The following RAPGEF5 variants were observed in gnomAD, a reference collection of about 807,000 sequenced individuals.
The protein encoded by RAPGEF5 is Rap guanine nucleotide exchange factor 5.
A neutral mutation model predicts 125.2 loss-of-function variants in RAPGEF5; 65 were observed. The observed-to-expected ratio is 0.52, with a 90% CI of 0.43 to 0.64. RAPGEF5 has a LOEUF of 0.64. Ranked by LOEUF, RAPGEF5 falls within the 30% of genes least tolerant of loss-of-function variation. The probability of loss-of-function intolerance (pLI) is 0.00; values close to 1 mark genes in which losing one functional copy is unlikely to be tolerated. For missense variants in RAPGEF5, 958 were observed against 1,048.1 expected, an observed-to-expected ratio of 0.91 and a Z score of 1.19; for synonymous variants, 391 against 385.9, an observed-to-expected ratio of 1.01 and a Z score of -0.16.
intron 8 of RAPGEF5, among the ~76,000 whole-genome samples, chr7:22,223,279 A>AAC (rs1583494604): frequency 1.3e-5 from 2 of 152,262 alleles, no homozygotes; most frequent in Non-Finnish European, 1.5e-5. Flanking sequence ...AGAAGTGAAA[A>AAC]ACTCTATCGA....
intron 11 of RAPGEF5, among the ~76,000 whole-genome samples, chr7:22,183,268 C>CAAAAAAA (rs757079018): frequency 2.6e-4 from 8 of 30,976 alleles, no homozygotes; most frequent in Admixed American, 4.7e-4. Context: ...GACTCCATCA[C>CAAAAAAA]AAAAAAAAAA....
intron 23 of RAPGEF5, among the ~76,000 whole-genome samples, chr7:22,135,110 G>A (rs890830948): frequency 1.3e-5 from 2 of 152,176 alleles, no homozygotes; most frequent in Non-Finnish European, 2.9e-5. Context: ...GCAATGGGAG[G>A]AAGTGGGGAA....
intron 5 of RAPGEF5, among the ~76,000 whole-genome samples, chr7:22,295,828 A>G (rs544383124): frequency 6.6e-6 from 1 of 152,248 alleles, no homozygotes; most frequent in East Asian, 1.9e-4. Context: ...ATGAGGATCT[A>G]ATTAGGAAAA....
chr7:22,300,709 G>T (rs1783176804), intron 5 of RAPGEF5, among the ~76,000 whole-genome samples: 1 of 152,108 alleles, frequency 6.6e-6, no homozygotes, highest in South Asian at 2.1e-4. Context: ...TACACTCTCA[G>T]ACTAGCTGGG....
intron 2 of RAPGEF5, among the ~76,000 whole-genome samples, chr7:22,317,019 A>T (rs1202745795): frequency 6.6e-6 from 1 of 151,876 alleles, no homozygotes; most frequent in African/African-American, 2.4e-5. Context: ...CAGATGACAG[A>T]AAGTATTACC....
chr7:22,282,059 T>G (rs1018347171), intron 6 of RAPGEF5, among the ~76,000 whole-genome samples: 2 of 152,234 alleles, frequency 1.3e-5, no homozygotes, highest in Non-Finnish European at 2.9e-5. Flanking sequence ...TATTAATATT[T>G]TCTATTCATT....
At chr7:22,159,626 T>C (rs956876327) in intron 14 of RAPGEF5, among the ~76,000 whole-genome samples, 29 of 152,248 alleles carry the variant, frequency 1.9e-4, no homozygotes, top group African/African-American at 6.8e-4. Flanking sequence ...TGTTTTCTTT[T>C]ACCAAAATTA....
rs1784034180 is a variant in RAPGEF5, at chr7:22,162,470, T to C, written c.1355A>G (p.His452Arg). 1.2e-6 allele frequency: 2 copies of C among 1,603,472 alleles called. No homozygotes were observed. Among genetic ancestry groups the C allele is most frequent in the Non-Finnish European group, 1.7e-6 (2 of 1,170,510 alleles). Residue 452 changes from histidine (H) to arginine (R), a missense_variant, in exon 13 of 26, where the codon CAT becomes CGT. Physicochemically the swap from His to Arg is conservative, Grantham distance 29. Transcript: ENST00000665637. ...DVPRRKRKVLHLVSQWIALYK... is the reference protein window; with the variant it reads ...DVPRRKRKVLRLVSQWIALYK... ...CAGAGCAATCCACTGGGAAACAAGA[T>C]GCAAGACTTTACGTTTCCTACGCGG...
chr7:22,220,650 T>C (rs1326827192), intron 8 of RAPGEF5, among the ~76,000 whole-genome samples: 1 of 152,116 alleles, frequency 6.6e-6, no homozygotes, highest in East Asian at 1.9e-4. Context: ...GCATCATATT[T>C]TACATTAGGT....
intron 1 of RAPGEF5, among the ~76,000 whole-genome samples, chr7:22,319,562 T>G (rs1300907379): frequency 1.3e-5 from 2 of 152,212 alleles, no homozygotes; most frequent in African/African-American, 2.4e-5. Flanking sequence ...TCTGGTCTTG[T>G]CTAAATATAC....
At chr7:22,337,070 T>G (rs992915240) in intron 1 of RAPGEF5, among the ~76,000 whole-genome samples, 1 of 152,198 alleles carries the variant, frequency 6.6e-6, no homozygotes, top group Non-Finnish European at 1.5e-5. Flanking sequence ...GGAATGGCAA[T>G]ACAGAAAGAG....
intron 10 of RAPGEF5, 172 bp from the exon 11 acceptor site, chr7:22,193,627 T>G: frequency 6.4e-7 from 1 of 1,550,786 alleles, no homozygotes; most frequent in Non-Finnish European, 8.7e-7. Flanking sequence ...CCTCTCCAAA[T>G]GAGGGTCAAA....
At chr7:22,173,070 A>G (rs1377408711) in intron 11 of RAPGEF5, among the ~76,000 whole-genome samples, 2 of 152,192 alleles carry the variant, frequency 1.3e-5, no homozygotes, top group Non-Finnish European at 2.9e-5. Context: ...AATTTAAGGC[A>G]CTCTAAAATA....
Position 22,215,600 on chromosome 7 carries a change from G to C in RAPGEF5, c.996+4266C>G, listed in dbSNP as rs1260995604. Among the ~76,000 whole-genome samples the C allele has an allele frequency of 2.6e-5, 4 of 152,180 alleles. No individual in the cohort carries two copies. In the East Asian group the frequency reaches 7.7e-4, roughly 29 times the overall value. ...ATGACATCGGCTTGAACAAAAGTTAGCAAATGAATGGATGACAGAGAGTAT... is the reference window on the plus strand; with the variant it reads ...ATGACATCGGCTTGAACAAAAGTTACCAAATGAATGGATGACAGAGAGTAT... On this transcript the variant is annotated intron_variant, in intron 9 of 25. Transcript: ENST00000665637.
chr7:22,203,383 A>C (rs1196832191), intron 9 of RAPGEF5, among the ~76,000 whole-genome samples: 1 of 152,244 alleles, frequency 6.6e-6, no homozygotes, highest in Non-Finnish European at 1.5e-5. Context: ...TCTGACTGTT[A>C]CATTTTTAAC....
At chr7:22,198,926 C>T (rs1431160418) in intron 9 of RAPGEF5, among the ~76,000 whole-genome samples, 1 of 152,212 alleles carries the variant, frequency 6.6e-6, no homozygotes, top group Admixed American at 6.5e-5. Flanking sequence ...ACAGGCTCGA[C>T]ACCAGTGCCC....
At chr7:22,260,532 T>TAAAAA (rs71550468) in intron 7 of RAPGEF5, among the ~76,000 whole-genome samples, 61 of 124,168 alleles carry the variant, frequency 4.9e-4, no homozygotes, top group African/African-American at 1.7e-3. Context: ...TTAGGACCAG[T>TAAAAA]AAAAAAAAAA....
At chr7:22,231,013 G>A in intron 7 of RAPGEF5, 94 bp from the exon 8 acceptor site, 1 of 1,170,122 alleles carries the variant, frequency 8.5e-7, no homozygotes, top group Non-Finnish European at 1.2e-6. Context: ...GGGAAAAAAT[G>A]TTAGATAGAT....
chr7:22,135,318 C>T (rs1261529928), intron 23 of RAPGEF5, among the ~76,000 whole-genome samples: 1 of 152,174 alleles, frequency 6.6e-6, no homozygotes, highest in African/African-American at 2.4e-5. Context: ...AACCCCCTTT[C>T]CCTGGAAGCA....
Sources: allele counts gnomAD v4.1 joint callset (sites outside exome capture counted in the v4.1 genomes callset), GRCh38; gene constraint gnomAD v4.1.1; transcripts MANE v1.5; gene names NCBI Gene and HGNC (gene_info 2026-07-23, HGNC 2026-07-21).